FAT3: variants seen among roughly 807,000 people sequenced by gnomAD.
FAT3 encodes FAT atypical cadherin 3, also known as protocadherin Fat 3.
FAT3 carries 95 observed loss-of-function variants against 310.2 expected under a neutral mutation model. The observed-to-expected ratio is 0.31, with a 90% confidence interval of 0.26 to 0.36. The LOEUF (loss-of-function observed/expected upper bound fraction) is 0.36, where lower values mean the gene tolerates loss of function less well. Ranked by LOEUF, FAT3 falls within the 10% of genes least tolerant of loss-of-function variation. The pLI, the probability that FAT3 is intolerant of heterozygous loss-of-function variation, is 1.00. For synonymous variants in FAT3, 2,314 were observed against 2,192.9 expected (o/e 1.06, Z -1.54); for missense variants, 5,408 against 5,715.6 (o/e 0.95, Z 1.74).
At chr11:92,601,040 A>G (rs527827446) in intron 3 of FAT3, among the ~76,000 whole-genome samples, 2 of 152,284 alleles carry the variant, frequency 1.3e-5, no homozygotes, top group South Asian at 4.1e-4. Flanking sequence ...GAGAGATGTC[A>G]TCAGAGAAGG....
chr11:92,333,522 C>T (rs1355866433), intron 1 of FAT3, among the ~76,000 whole-genome samples: 2 of 152,140 alleles, frequency 1.3e-5, no homozygotes, highest in East Asian at 3.9e-4. Context: ...TTGCCTTCTT[C>T]TCTTCTCTAT....
intron 1 of FAT3, among the ~76,000 whole-genome samples, chr11:92,275,098 G>A (rs866559215): frequency 3.9e-5 from 6 of 152,092 alleles, no homozygotes; most frequent in South Asian, 2.1e-4. Context: ...TGCCATGAAC[G>A]CCAAACCTTG....
chr11:92,871,965 TA>T lies in FAT3; in HGVS notation c.12127+4767del, dbSNP rs551618463. On this transcript the variant is annotated intron_variant, in intron 22 of 27. Coordinates refer to ENST00000525166, the MANE Select transcript of FAT3 (RefSeq NM_001367949.2). ...GAGAGTCGGATGCGCAGCCTGCACT[TA>T]AAAAAAAAAATTAGTATAAAGGTGG... is the stretch of plus-strand genomic sequence containing the variant. Among the ~76,000 whole-genome samples the T allele has an allele frequency of 5.1e-3, 767 of 149,036 alleles. 10 individuals carry two copies. Among genetic ancestry groups the T allele is most frequent in the African/African-American group, 0.017 (696 of 40,762 alleles).
In FAT3 at chr11:92,856,568, G is replaced by A. The variant is rs149254332; in HGVS notation, c.11366-646G>A. 4.4e-4 allele frequency among the ~76,000 whole-genome samples: 67 copies of A among 152,194 alleles called. No individual in the cohort carries two copies. In the East Asian group the frequency reaches 0.01, roughly 23 times the overall value. ...TTCATCTTACTGTGCTGTGAACATC[G>A]AACAGGTAGAAGGGAAGCCTTCCCT... On this transcript the variant is annotated intron_variant, in intron 19 of 27. Coordinates refer to ENST00000525166, the MANE Select transcript of FAT3 (RefSeq NM_001367949.2).
At position 92,798,126 on chromosome 11, in the gene FAT3, G is replaced by A; in HGVS notation, c.5113G>A (p.Val1705Ile). Residue 1705 changes from valine to isoleucine, a missense_variant, in exon 10 of 28, where the codon GTC becomes ATC. Around this residue, in one of 5 missense-constraint regions of FAT3, gnomAD observed 4,588 missense variants for 4,809.8 expected, o/e 0.95. Coordinates refer to ENST00000525166, the MANE Select transcript of FAT3 (RefSeq NM_001367949.2). ...AISQSTLIYEVKDGDINGIFT... is the reference protein window; with the variant it reads ...AISQSTLIYEIKDGDINGIFT... Reference sequence around the variant, plus strand: ...CAGTCAATCTACCCTCATTTATGAAGTCAAAGATGGAGACATTAATGGGAT... The same window carrying A: ...CAGTCAATCTACCCTCATTTATGAAATCAAAGATGGAGACATTAATGGGAT... 1.2e-6 allele frequency: 2 copies of A among 1,613,912 alleles called. No homozygotes were observed. Among genetic ancestry groups the A allele is most frequent in the Non-Finnish European group, 8.5e-7 (1 of 1,179,864 alleles).
intron 2 of FAT3, among the ~76,000 whole-genome samples, chr11:92,445,459 G>C (rs1951186333): frequency 6.6e-6 from 1 of 151,898 alleles, no homozygotes; most frequent in Non-Finnish European, 1.5e-5. Context: ...TCCTTTCAAG[G>C]AGGGGAAAAA....
chr11:92,259,567 A>G (rs1031557433), intron 1 of FAT3, among the ~76,000 whole-genome samples: 4 of 132,428 alleles, frequency 3.0e-5, no homozygotes, highest in African/African-American at 1.0e-4. Context: ...AAAAATAAAA[A>G]TAAATAAAAA....
chr11:92,701,688 T>G (rs1199227723), intron 4 of FAT3, among the ~76,000 whole-genome samples: 3 of 152,210 alleles, frequency 2.0e-5, no homozygotes, highest in Non-Finnish European at 4.4e-5. Flanking sequence ...GAAGACTAAT[T>G]CCAGCATACA....
intron 2 of FAT3, among the ~76,000 whole-genome samples, chr11:92,384,441 G>A (rs935975302): frequency 6.6e-6 from 1 of 152,190 alleles, no homozygotes; most frequent in Admixed American, 6.5e-5. Flanking sequence ...GAAAATAGAT[G>A]TGTCTTGGAA....
intron 2 of FAT3, among the ~76,000 whole-genome samples, chr11:92,377,123 A>G (rs1280414336): frequency 6.6e-6 from 1 of 152,220 alleles, no homozygotes; most frequent in Non-Finnish European, 1.5e-5. Flanking sequence ...AAATGAGTGA[A>G]ACCCAATACA....
chr11:92,296,159 G>A (rs1197428942), intron 1 of FAT3, among the ~76,000 whole-genome samples: 1 of 152,032 alleles, frequency 6.6e-6, no homozygotes, highest in Non-Finnish European at 1.5e-5. Context: ...CTTCCCCCGA[G>A]GGTTAAAAAT....
At chr11:92,881,021 G>T (rs1949660984) in intron 23 of FAT3, 137 bp downstream of exon 23, 2 of 934,718 alleles carry the variant, frequency 2.1e-6, no homozygotes, top group Non-Finnish European at 1.6e-6. Flanking sequence ...TACGTATAAG[G>T]AGTGCTTACA....
intron 2 of FAT3, among the ~76,000 whole-genome samples, chr11:92,486,201 A>G (rs1177880102): frequency 9.9e-5 from 12 of 121,356 alleles, no homozygotes; most frequent in African/African-American, 3.7e-4. Flanking sequence ...TCTCAGAATA[A>G]AACACAGCAG....
chr11:92,821,711 C>A (rs1402959317), intron 13 of FAT3, among the ~76,000 whole-genome samples: 1 of 152,194 alleles, frequency 6.6e-6, no homozygotes, highest in Admixed American at 6.5e-5. Flanking sequence ...TGGATGCTCC[C>A]ACCTATAGAT....
chr11:92,689,603 G>A (rs1365329535), intron 3 of FAT3, among the ~76,000 whole-genome samples: 2 of 152,212 alleles, frequency 1.3e-5, no homozygotes, highest in South Asian at 4.1e-4. Context: ...GCTCTGTGCA[G>A]TTGGGAGGAA....
intron 3 of FAT3, among the ~76,000 whole-genome samples, chr11:92,581,369 A>G (rs572910353): frequency 2.0e-5 from 3 of 152,194 alleles, no homozygotes; most frequent in African/African-American, 4.8e-5. Context: ...CTTGAGGACA[A>G]CAGACTCAGA....
intron 2 of FAT3, among the ~76,000 whole-genome samples, chr11:92,518,326 A>T (rs1348868927): frequency 6.6e-6 from 1 of 152,166 alleles, no homozygotes; most frequent in African/African-American, 2.4e-5. Context: ...ATGGAATACT[A>T]TGCAGCCATA....
intron 4 of FAT3, among the ~76,000 whole-genome samples, chr11:92,723,819 C>T (rs555968173): frequency 3.9e-5 from 6 of 152,212 alleles, no homozygotes; most frequent in Middle Eastern, 6.8e-3. Flanking sequence ...GAGAACAGCA[C>T]GGGAAAGACC....
chr11:92,751,252 C>T (rs953359799), intron 4 of FAT3, among the ~76,000 whole-genome samples: 1 of 152,184 alleles, frequency 6.6e-6, no homozygotes, highest in Non-Finnish European at 1.5e-5. Context: ...CCTTCTGTGC[C>T]CTGTTTCTAA....
Sources: gnomAD v4.1 joint callset for allele counts (sites outside exome capture counted in the v4.1 genomes callset) on GRCh38, gnomAD v4.1.1 for gene constraint, gnomAD v4.1.1 regional missense constraint, MANE v1.5 for transcripts, NCBI Gene and HGNC (gene_info 2026-07-23, HGNC 2026-07-21) for gene names.